Variants in HMGA2 observed in about 807,000 individuals in gnomAD.
HMGA2 encodes high mobility group AT-hook 2, also known as high mobility group protein HMGI-C.
A neutral mutation model predicts 19.1 loss-of-function variants in HMGA2; 8 were observed. The observed-to-expected ratio is 0.42, with a 90% CI of 0.25 to 0.76. The LOEUF is 0.76. Among genes scored for constraint, HMGA2 ranks in the 30% least tolerant of loss-of-function variants. The pLI is 0.28. For missense variants in HMGA2, 109 were observed against 136.3 expected (o/e 0.80, Z 1.00); for synonymous variants, 60 against 48.8 (o/e 1.23, Z -0.96).
chr12:65,865,745 C>A (rs1324944112), intron 3 of HMGA2, among the ~76,000 whole-genome samples: 2 of 151,600 alleles, frequency 1.3e-5, no homozygotes, highest in Non-Finnish European at 2.9e-5. Context: ...CACCATTCTC[C>A]TGCCTCAGCC....
chr12:65,909,068 T>A (rs910157152), intron 3 of HMGA2, among the ~76,000 whole-genome samples: 1 of 152,324 alleles, frequency 6.6e-6, no homozygotes, highest in African/African-American at 2.4e-5. Context: ...GTTGATCTAA[T>A]TTTTTTAAAG....
intron 3 of HMGA2, chr12:65,856,195 T>G (rs117564441): frequency 9.2e-5 from 14 of 152,324 alleles, no homozygotes; most frequent in Non-Finnish European, 1.6e-4. Flanking sequence ...AATGGAAGAC[T>G]GCAGTTCTGT....
chr12:65,863,184 G>A (rs1207383505), intron 3 of HMGA2, among the ~76,000 whole-genome samples: 1 of 152,212 alleles, frequency 6.6e-6, no homozygotes, highest in African/African-American at 2.4e-5. Context: ...CATATCTAGT[G>A]ACACCCCATT....
chr12:65,843,455 T>G (rs1871091889), intron 3 of HMGA2: 1 of 196,468 alleles, frequency 5.1e-6, no homozygotes, highest in Non-Finnish European at 1.1e-5. Context: ...TGTAGAAATC[T>G]AGAAATTTAA....
chr12:65,900,852 C>G (rs1408302767), intron 3 of HMGA2, among the ~76,000 whole-genome samples: 2 of 152,152 alleles, frequency 1.3e-5, no homozygotes, highest in Admixed American at 6.5e-5. Context: ...AGTTTGAGAG[C>G]TGGTTGTTAA....
At chr12:65,830,039 T>G (rs1434569549) in intron 2 of HMGA2, among the ~76,000 whole-genome samples, 2 of 152,014 alleles carry the variant, frequency 1.3e-5, no homozygotes, top group Non-Finnish European at 2.9e-5. Context: ...CTCCAGAATC[T>G]TTCATTCTTT....
At chr12:65,895,826 G>C (rs1257839955) in intron 3 of HMGA2, among the ~76,000 whole-genome samples, 1 of 152,148 alleles carries the variant, frequency 6.6e-6, no homozygotes, top group Non-Finnish European at 1.5e-5. Flanking sequence ...CCGCTCTGAG[G>C]ACAGCTAGTA....
intron 3 of HMGA2, among the ~76,000 whole-genome samples, chr12:65,926,064 C>T (rs1300907209): frequency 6.6e-6 from 1 of 152,202 alleles, no homozygotes; most frequent in African/African-American, 2.4e-5. Context: ...CCTCTGTTCT[C>T]ATAACACACC....
intron 3 of HMGA2, among the ~76,000 whole-genome samples, chr12:65,880,041 T>C (rs1276316246): frequency 6.6e-6 from 1 of 152,254 alleles, no homozygotes; most frequent in Non-Finnish European, 1.5e-5. Flanking sequence ...CTGTTTATTT[T>C]ACAGTGGTTG....
chr12:65,900,059 C>T (rs1014836919), intron 3 of HMGA2, among the ~76,000 whole-genome samples: 33 of 152,140 alleles, frequency 2.2e-4, no homozygotes, highest in African/African-American at 7.0e-4. Flanking sequence ...ATACTTATAA[C>T]GACTTCATTA....
At chr12:65,913,101 G>C (rs1225239371) in intron 3 of HMGA2, among the ~76,000 whole-genome samples, 2 of 152,076 alleles carry the variant, frequency 1.3e-5, no homozygotes, top group South Asian at 4.2e-4. Context: ...AAAACAAAAA[G>C]GTTTTAATTA....
intron 2 of HMGA2, chr12:65,828,920 T>C (rs909959726): frequency 1.3e-5 from 2 of 152,188 alleles, no homozygotes; most frequent in African/African-American, 4.8e-5. Context: ...GGTTAATGCA[T>C]GTATAGAGAA....
chr12:65,941,290 A>C (rs1418293589), intron 3 of HMGA2, among the ~76,000 whole-genome samples: 4 of 152,222 alleles, frequency 2.6e-5, no homozygotes, highest in Non-Finnish European at 5.9e-5. Context: ...AATCCAGAGA[A>C]GACCGTGAAG....
intron 3 of HMGA2, among the ~76,000 whole-genome samples, chr12:65,848,725 G>A (rs542790220): frequency 2.0e-5 from 3 of 152,034 alleles, no homozygotes; most frequent in South Asian, 2.1e-4. Context: ...GCGCGGTGGC[G>A]GGCGCCTGTA....
chr12:65,846,854 G>A (rs988566949), intron 3 of HMGA2, among the ~76,000 whole-genome samples: 19 of 152,072 alleles, frequency 1.2e-4, no homozygotes, highest in Non-Finnish European at 2.6e-4. Flanking sequence ...TTATAGTCTG[G>A]GGAGCTCTAA....
chr12:65,873,345 G>A (rs1194844890), intron 3 of HMGA2, among the ~76,000 whole-genome samples: 1 of 152,134 alleles, frequency 6.6e-6, no homozygotes, highest in African/African-American at 2.4e-5. Flanking sequence ...AATGCTTTCA[G>A]CACCAAATAC....
intron 3 of HMGA2, among the ~76,000 whole-genome samples, chr12:65,901,860 C>A (rs1339358034): frequency 6.6e-6 from 1 of 152,088 alleles, no homozygotes; most frequent in Non-Finnish European, 1.5e-5. Flanking sequence ...ACAAGCAGAA[C>A]TTTTCAAACA....
intron 3 of HMGA2, among the ~76,000 whole-genome samples, chr12:65,864,375 T>C (rs1034738503): frequency 6.6e-6 from 1 of 152,262 alleles, no homozygotes; most frequent in Middle Eastern, 3.4e-3. Flanking sequence ...AAATATAAAT[T>C]TAATTGAGTA....
rs562313081 is a variant in HMGA2, at chr12:65,958,584, G to A, written c.283-4661G>A. On this transcript the variant is annotated intron_variant, in intron 4 of 4. Transcript: ENST00000403681. Reference sequence around the variant, plus strand: ...ATGGAACTTGAAAAACTGGTTCCTGGTCATTGCTGCTGAAGAGAGCCCTTT... The same window carrying A: ...ATGGAACTTGAAAAACTGGTTCCTGATCATTGCTGCTGAAGAGAGCCCTTT... 7.8e-4 allele frequency: 119 copies of A among 152,272 alleles called. 1 individual carries two copies. Among genetic ancestry groups the A allele is most frequent in the African/African-American group, 2.6e-3 (106 of 41,556 alleles). The allele number at this position is 152,272 out of a possible 1,614,324, so 9.4% of individuals were successfully genotyped here. A position where few individuals can be genotyped will look rare whatever the true frequency, so the allele number is the denominator to read the frequency against.
Sources: allele counts gnomAD v4.1 joint callset (sites outside exome capture counted in the v4.1 genomes callset), GRCh38; gene constraint gnomAD v4.1.1; transcripts MANE v1.5; gene names NCBI Gene and HGNC (gene_info 2026-07-23, HGNC 2026-07-21).